NEK6: variants seen among roughly 807,000 people sequenced by gnomAD.
The protein encoded by NEK6 is NIMA related kinase 6, also known as serine/threonine-protein kinase Nek6.
In NEK6, 27 loss-of-function variants were observed where a neutral mutation model predicts 43.5. The observed-to-expected ratio is 0.62, with a 90% CI of 0.46 to 0.86. The LOEUF (loss-of-function observed/expected upper bound fraction) is 0.86, where lower values mean the gene tolerates loss of function less well. NEK6 is among the 40% of genes least tolerant of loss of function. The pLI is 0.00. For synonymous variants in NEK6, 167 were observed against 164.1 expected (o/e 1.02, Z -0.14); for missense variants, 318 against 414.4 (o/e 0.77, Z 2.02).
At chr9:124,316,224 A>G (rs1471961681) in intron 4 of NEK6, among the ~76,000 whole-genome samples, 3 of 152,226 alleles carry the variant, frequency 2.0e-5, no homozygotes, top group Non-Finnish European at 4.4e-5. Flanking sequence ...AAACCTCTCA[A>G]GTGCGGGGGC....
Position 124,326,202 on chromosome 9 carries a change from T to TCCCCCCCCC in NEK6, c.406-125_406-117dup, listed in dbSNP as rs61223297. 85 of 125,186 alleles carry TCCCCCCCCC rather than the reference T, an allele frequency of 6.8e-4. 14 individuals are homozygous for TCCCCCCCCC. Among genetic ancestry groups the TCCCCCCCCC allele is most frequent in the South Asian group, 1.2e-3 (18 of 15,392 alleles). The allele number at this position is 125,186 out of a possible 1,614,324, so 7.8% of individuals were successfully genotyped here. A position where few individuals can be genotyped will look rare whatever the true frequency, so the allele number is the denominator to read the frequency against. On this transcript the variant is annotated intron_variant, in intron 5 of 9. Coordinates refer to ENST00000320246, the MANE Select transcript of NEK6 (RefSeq NM_014397.6). The surrounding 1 kb of genome is among the most constrained non-coding windows in gnomAD (Gnocchi z 4.5). ...GCTTATTGTTTGCTCAGTGGCTCAA[T>TCCCCCCCCC]CCCCCCCCCCCGCCCCTGCCAGGCA... is the stretch of plus-strand genomic sequence containing the variant.
chr9:124,298,998 C>T (rs1185429010), intron 1 of NEK6, among the ~76,000 whole-genome samples: 3 of 152,252 alleles, frequency 2.0e-5, no homozygotes, highest in Non-Finnish European at 2.9e-5. Flanking sequence ...CATCTGGCTG[C>T]AGCTGTTGGA....
chr9:124,343,899 C>T lies in NEK6; in HGVS notation c.718-3810C>T, dbSNP rs147143562. 3.6e-3 allele frequency among the ~76,000 whole-genome samples: 542 copies of T among 152,344 alleles called. 2 individuals are homozygous for T. The highest frequency in any genetic ancestry group is 0.014 in the Middle Eastern group (4 of 294). On this transcript the variant is annotated intron_variant, in intron 8 of 9. Coordinates refer to ENST00000320246, the MANE Select transcript of NEK6 (RefSeq NM_014397.6). This position sits in a 1 kb window ranked among gnomAD's most constrained non-coding sequence, Gnocchi z 5.1. ...GTGGCTGCAGTGACAGATGCCACCA[C>T]GCCGATGGCTTCAAGCAACATAAGT...
intron 1 of NEK6, among the ~76,000 whole-genome samples, chr9:124,269,905 G>A (rs1831369819): frequency 6.6e-6 from 1 of 152,150 alleles, no homozygotes; most frequent in Non-Finnish European, 1.5e-5. Context: ...TCTCCCTGCA[G>A]TGCCCTGGGA....
At position 124,317,059 on chromosome 9, in the gene NEK6, T is replaced by C. The variant is rs184325746; in HGVS notation, c.294+3074T>C. On this transcript the variant is annotated intron_variant, in intron 4 of 9. Transcript: ENST00000320246. The stretch of plus-strand genomic sequence containing the variant: ...TGTTCCCATTTATCCTCATAGCAGC[T>C]TGCCCACGCCGTAGGTCATGTCTCA... Among the ~76,000 whole-genome samples, 6 of 152,342 alleles carry C rather than the reference T, an allele frequency of 3.9e-5. No homozygotes were observed. In the East Asian group the frequency reaches 1.2e-3, roughly 29 times the overall value.
chr9:124,341,822 G>A (rs746316455), intron 8 of NEK6, among the ~76,000 whole-genome samples: 5 of 152,196 alleles, frequency 3.3e-5, no homozygotes, highest in Admixed American at 1.3e-4. Flanking sequence ...GACATGTTAA[G>A]TCCAAACTCT....
chr9:124,329,396 G>C (rs548170679), intron 7 of NEK6, among the ~76,000 whole-genome samples: 1 of 152,230 alleles, frequency 6.6e-6, no homozygotes, highest in Non-Finnish European at 1.5e-5. Flanking sequence ...GGTTAGGATC[G>C]CATCATTAGG....
intron 7 of NEK6, among the ~76,000 whole-genome samples, chr9:124,334,869 A>G (rs1439723924): frequency 3.3e-5 from 5 of 152,176 alleles, no homozygotes; most frequent in African/African-American, 4.8e-5. Flanking sequence ...GCCCCAGTGT[A>G]GGTGACCTCT....
intron 7 of NEK6, among the ~76,000 whole-genome samples, chr9:124,332,359 G>A: frequency 6.6e-6 from 1 of 152,112 alleles, no homozygotes; most frequent in Admixed American, 6.5e-5. Context: ...AGTCTGCAGA[G>A]GTCAGGGGGG....
chr9:124,320,473 G>A (rs748260580), intron 4 of NEK6, among the ~76,000 whole-genome samples: 1 of 152,206 alleles, frequency 6.6e-6, no homozygotes, highest in Non-Finnish European at 1.5e-5. Context: ...GGGCCTTTTG[G>A]GAAATGTGCT....
At chr9:124,332,746 G>T (rs570061276) in intron 7 of NEK6, among the ~76,000 whole-genome samples, 1 of 152,010 alleles carries the variant, frequency 6.6e-6, no homozygotes, top group Non-Finnish European at 1.5e-5. Context: ...CAGGACCGGC[G>T]CATCTTGGGG....
At chr9:124,263,432 A>G (rs1831111315) in intron 1 of NEK6, among the ~76,000 whole-genome samples, 1 of 152,256 alleles carries the variant, frequency 6.6e-6, no homozygotes, top group Non-Finnish European at 1.5e-5. Context: ...CACGTCGCCC[A>G]CTGAGCCTCA....
At chr9:124,333,978 C>T (rs184320932) in intron 7 of NEK6, among the ~76,000 whole-genome samples, 113 of 152,142 alleles carry the variant, frequency 7.4e-4, no homozygotes, top group African/African-American at 2.5e-3. Context: ...GGGGTTTCAC[C>T]ATGTTAGCCA....
At chr9:124,277,882 C>T (rs938620694) in intron 1 of NEK6, among the ~76,000 whole-genome samples, 3 of 152,188 alleles carry the variant, frequency 2.0e-5, no homozygotes, top group African/African-American at 7.2e-5. Flanking sequence ...GTGGAGAGTG[C>T]ATCGTGTTGT....
At chr9:124,301,356 C>G (rs1165529976) in intron 1 of NEK6, among the ~76,000 whole-genome samples, 1 of 152,200 alleles carries the variant, frequency 6.6e-6, no homozygotes, top group Non-Finnish European at 1.5e-5. Context: ...GGGGGCTGTT[C>G]CTTTGCACAG....
chr9:124,350,747 A>G (rs1203165177), intron 9 of NEK6, 90 bp from the exon 10 acceptor site: 9 of 878,370 alleles, frequency 1.0e-5, no homozygotes, highest in Non-Finnish European at 1.7e-5. Context: ...TGCTCTGAGG[A>G]TGAAGTGCCT....
At position 124,327,299 on chromosome 9, in the gene NEK6, C is replaced by G. The variant is rs73666862; in HGVS notation, c.515-39C>G. 3.7e-3 allele frequency: 5,798 copies of G among 1,569,732 alleles called. 159 individuals are homozygous for G. In the African/African-American group the frequency reaches 0.066, roughly 18 times the overall value. On this transcript the variant is annotated intron_variant, in intron 6 of 9. Coordinates refer to ENST00000320246, the MANE Select transcript of NEK6 (RefSeq NM_014397.6). Reference sequence around the variant, plus strand: ...TCGTCCTGCCCCACCTACCCCAAGCCTCCTACCCCACACCAATCTCCTTCT... The same window carrying G: ...TCGTCCTGCCCCACCTACCCCAAGCGTCCTACCCCACACCAATCTCCTTCT...
chr9:124,318,614 G>A (rs1833926488), intron 4 of NEK6, among the ~76,000 whole-genome samples: 1 of 152,086 alleles, frequency 6.6e-6, no homozygotes, highest in Non-Finnish European at 1.5e-5. Flanking sequence ...TTGCTTGTAT[G>A]TCTTCTTTTG....
chr9:124,314,267 A>G (rs1833703237), intron 4 of NEK6, among the ~76,000 whole-genome samples: 1 of 151,992 alleles, frequency 6.6e-6, no homozygotes, highest in East Asian at 1.9e-4. Context: ...CCCGGCATAG[A>G]AGTCCTTCCC....
Sources: gnomAD v4.1 joint callset for allele counts (sites outside exome capture counted in the v4.1 genomes callset) on GRCh38, gnomAD v4.1.1 for gene constraint, Gnocchi (gnomAD v3.1) non-coding constraint, MANE v1.5 for transcripts, NCBI Gene and HGNC (gene_info 2026-07-23, HGNC 2026-07-21) for gene names.